CDH3: variants seen among roughly 807,000 people sequenced by gnomAD.
CDH3 encodes cadherin 3.
CDH3 carries 54 observed loss-of-function variants against 82.0 expected under a neutral mutation model. The observed-to-expected ratio is 0.66, with a 90% CI of 0.53 to 0.83. The LOEUF (loss-of-function observed/expected upper bound fraction) is 0.83, where lower values mean the gene tolerates loss of function less well. Ranked by LOEUF, CDH3 falls within the 40% of genes least tolerant of loss-of-function variation. The pLI is 0.00. For synonymous variants in CDH3, 446 were observed against 437.9 expected (o/e 1.02, Z -0.23); for missense variants, 1,054 against 1,084.6 (o/e 0.97, Z 0.40).
At position 68,695,898 on chromosome 16, in the gene CDH3, A is replaced by G. The variant is rs1472083915; in HGVS notation, c.2255A>G (p.Asp752Gly). Residue 752 changes from aspartate to glycine, a missense_variant, in exon 15 of 16, where the codon GAT becomes GGT. By Grantham distance (94) the Asp-to-Gly change is moderately conservative. Transcript: ENST00000264012. ...TACCGTCCTCGGCCAGCCAACCCAG[A>G]TGAAATCGGCAACTTTATAATTGAG... ...PMYRPRPANP[D>G]EIGNFIIENL... The G allele has an allele frequency of 6.2e-7, 1 of 1,614,156 alleles. No individual in the cohort carries two copies.
downstream of CDH3, among the ~76,000 whole-genome samples, chr16:68,727,475 C>G (rs376599687): frequency 3.2e-4 from 49 of 152,294 alleles, no homozygotes; most frequent in African/African-American, 1.2e-3. Flanking sequence ...CCCTTTACTT[C>G]TCTGTGAGTC....
In CDH3 at chr16:68,682,400, C is replaced by G; in HGVS notation, c.1095C>G (p.Thr365=). 1 of 1,614,118 alleles carries G rather than the reference C, an allele frequency of 6.2e-7. No individual in the cohort carries two copies. The highest frequency in any genetic ancestry group is 8.5e-7 in the Non-Finnish European group (1 of 1,180,036). Residue 365 remains threonine (T), a synonymous_variant, in exon 9 of 16, where the codon ACC becomes ACG. Coordinates refer to ENST00000264012, the MANE Select transcript of CDH3 (RefSeq NM_001793.6). The part of the protein sequence containing the change: ...DAPNSPAWRA[T]YLIMGGDDGD... ...CCAACTCACCAGCGTGGCGTGCCAC[C>G]TACCTTATCATGGGCGGTGACGACG...
chr16:68,705,787 C>T lies in CDH3; in HGVS notation c.99+9864C>T, dbSNP rs553384151. On this transcript the variant is annotated intron_variant, in intron 1 of 2. Coordinates refer to the CDH3 transcript ENST00000569080. ...AAAACAGTAAAAAAGCCCAGTGAGC[C>T]GGGCGCGGTGGCTCACGCCTGTAAT... 4.0e-5 allele frequency among the ~76,000 whole-genome samples: 6 copies of T among 148,978 alleles called. 1 individual carries two copies. The South Asian group carries it at 9.2e-4, about 23-fold the overall frequency.
chr16:68,693,244 G>A (rs1274355500), intron 13 of CDH3, among the ~76,000 whole-genome samples: 5 of 152,308 alleles, frequency 3.3e-5, no homozygotes, highest in South Asian at 2.1e-4. Context: ...GAGCAGAGGG[G>A]TGATGTGATT....
At chr16:68,701,690 C>T (rs1203039752), downstream of CDH3, among the ~76,000 whole-genome samples, 2 of 151,858 alleles carry the variant, frequency 1.3e-5, no homozygotes, top group African/African-American at 2.4e-5. Flanking sequence ...GGATTACAGG[C>T]GCCTGCCACT....
chr16:68,684,271 A>G (rs1048734029), intron 9 of CDH3, among the ~76,000 whole-genome samples: 2 of 152,184 alleles, frequency 1.3e-5, no homozygotes, highest in African/African-American at 4.8e-5. Context: ...TTGGCCTTCC[A>G]AAGTGCTGGG....
At chr16:68,727,448 T>C (rs550202725) in exon 3 of CDH3, among the ~76,000 whole-genome samples, 10 of 152,320 alleles carry the variant, frequency 6.6e-5, no homozygotes, top group African/African-American at 2.4e-4. Flanking sequence ...TAATACACTG[T>C]GTAACATCAG....
At position 68,707,555 on chromosome 16, in the gene CDH3, G is replaced by A. The variant is rs910286085; in HGVS notation, c.99+11632G>A. On this transcript the variant is annotated intron_variant, in intron 1 of 2. Transcript: ENST00000569080. This position sits in a 1 kb window ranked among gnomAD's most constrained non-coding sequence, Gnocchi z 4.5. ...CGGGGAGCCTGTCTGAGAGCGCCCT[G>A]TAGTCTGGTAGGGCGGTGGCTAAGA... 2.6e-5 allele frequency among the ~76,000 whole-genome samples: 4 copies of A among 152,172 alleles called. No individual in the cohort carries two copies. Among genetic ancestry groups the A allele is most frequent in the African/African-American group, 9.7e-5 (4 of 41,440 alleles).
chr16:68,716,427 G>A (rs1410164410), intron 1 of CDH3, among the ~76,000 whole-genome samples: 2 of 151,528 alleles, frequency 1.3e-5, no homozygotes, highest in Non-Finnish European at 2.9e-5. Context: ...TCGAGACCAG[G>A]CTGGGCAACA....
Position 68,687,866 on chromosome 16 carries a change from A to G in CDH3, c.1795+130A>G, listed in dbSNP as rs1961461196. The stretch of plus-strand genomic sequence containing the variant: ...CATGGGGACAATGATCTCCTCTAGA[A>G]CCTCAATCAGATGCTATTTATTAAC... On this transcript the variant is annotated intron_variant, in intron 12 of 15. Transcript: ENST00000264012. 3.3e-5 allele frequency: 23 copies of G among 706,282 alleles called. 1 individual carries two copies. In the South Asian group the frequency reaches 3.7e-4, roughly 11 times the overall value. 43.8% of individuals were successfully genotyped at this position (706,282 alleles called of 1,614,324 possible).
chr16:68,672,133 C>A (rs1331177978), intron 2 of CDH3, among the ~76,000 whole-genome samples: 1 of 149,494 alleles, frequency 6.7e-6, no homozygotes, highest in Non-Finnish European at 1.5e-5. Context: ...GCGGAGCCTG[C>A]AGTGAGCCGA....
intron 2 of CDH3, among the ~76,000 whole-genome samples, chr16:68,667,566 G>A (rs1960769125): frequency 6.6e-6 from 1 of 152,156 alleles, no homozygotes; most frequent in South Asian, 2.1e-4. Context: ...GACCTTCAAG[G>A]GTATTCCCTT....
intron 1 of CDH3, among the ~76,000 whole-genome samples, chr16:68,706,917 C>G (rs1028922946): frequency 6.6e-6 from 1 of 152,016 alleles, no homozygotes; most frequent in Non-Finnish European, 1.5e-5. Context: ...CCCTTGCTGC[C>G]CAGTCTAAGG....
At chr16:68,672,932 A>G (rs919840747) in intron 2 of CDH3, among the ~76,000 whole-genome samples, 1 of 152,124 alleles carries the variant, frequency 6.6e-6, no homozygotes, top group East Asian at 1.9e-4. Context: ...GGAATCTTGC[A>G]TATGTCCTCT....
downstream of CDH3, among the ~76,000 whole-genome samples, chr16:68,730,225 T>G (rs1202189036): frequency 1.3e-5 from 1 of 78,212 alleles, no homozygotes; most frequent in East Asian, 3.6e-4. Context: ...AGAGAGAGAC[T>G]CCACCTAAAA....
At position 68,679,963 on chromosome 16, in the gene CDH3, C is replaced by T. The variant is rs755573811; in HGVS notation, c.856C>T (p.Leu286=). 6.2e-7 allele frequency: 1 copy of T among 1,614,158 alleles called. No individual in the cohort carries two copies. The highest frequency in any genetic ancestry group is 8.5e-7 in the Non-Finnish European group (1 of 1,180,002). The part of the protein sequence containing the change: ...TGTISVISSG[L]DREKVPEYTL... The stretch of plus-strand genomic sequence containing the variant: ...CACCATCAGCGTCATCTCCAGTGGC[C>T]TGGACCGGGAAGTGAGTGGCCCTTA... The change falls in exon 7 of 16, where the codon CTG becomes TTG. Residue 286 remains leucine, a synonymous_variant. Transcript: ENST00000264012.
intron 2 of CDH3, among the ~76,000 whole-genome samples, chr16:68,655,056 A>G (rs1163907946): frequency 2.6e-5 from 4 of 151,958 alleles, no homozygotes; most frequent in African/African-American, 9.7e-5. Flanking sequence ...TAAATACGTA[A>G]AATAGAGAAG....
chr16:68,691,571 G>A (rs1024589845), intron 12 of CDH3, 149 bp from the exon 13 acceptor site: 2 of 705,480 alleles, frequency 2.8e-6, no homozygotes, highest in South Asian at 3.0e-5. Context: ...CCAAAGATCA[G>A]CTTTTACTGC....
intron 2 of CDH3, chr16:68,651,545 C>G: frequency 2.0e-6 from 1 of 499,448 alleles, no homozygotes; most frequent in Non-Finnish European, 4.0e-6. Flanking sequence ...CCACCCCGCT[C>G]TGCAGCCCCT....
Sources: gnomAD v4.1 joint callset for allele counts (sites outside exome capture counted in the v4.1 genomes callset) on GRCh38, gnomAD v4.1.1 for gene constraint, Gnocchi (gnomAD v3.1) non-coding constraint, MANE v1.5 for transcripts, NCBI Gene and HGNC (gene_info 2026-07-23, HGNC 2026-07-21) for gene names.